The following MIPOL1 variants were observed in gnomAD, a reference collection of about 807,000 sequenced individuals.
The protein encoded by MIPOL1 is mirror-image polydactyly 1, also known as mirror-image polydactyly gene 1 protein.
Under a neutral mutation model 60.9 loss-of-function variants are expected in MIPOL1, and 57 were observed. That is an observed-to-expected ratio of 0.94 (90% CI 0.76 to 1.17). MIPOL1 has a LOEUF of 1.17. MIPOL1 is among the 50% of genes most tolerant of loss of function. The pLI is 0.00. For missense variants in MIPOL1, 551 were observed against 511.6 expected (o/e 1.08, Z -0.74); for synonymous variants, 179 against 168.8 (o/e 1.06, Z -0.47).
At chr14:37,470,033 T>G (rs568774337) in intron 11 of MIPOL1, among the ~76,000 whole-genome samples, 1 of 152,190 alleles carries the variant, frequency 6.6e-6, no homozygotes, top group South Asian at 2.1e-4. Context: ...AGGTGAGAGA[T>G]AAATATTAAG....
chr14:37,467,116 C>T (rs1437941250), intron 11 of MIPOL1, among the ~76,000 whole-genome samples: 1 of 152,092 alleles, frequency 6.6e-6, no homozygotes, highest in Non-Finnish European at 1.5e-5. Context: ...AAGAAGAAAC[C>T]TCAATGAATG....
chr14:37,202,089 C>T (rs947115513), intron 1 of MIPOL1, among the ~76,000 whole-genome samples: 36 of 152,256 alleles, frequency 2.4e-4, no homozygotes, highest in Admixed American at 2.0e-3. Flanking sequence ...GCCTCGACCT[C>T]CCAAAGTGCC....
intron 12 of MIPOL1, chr14:37,506,638 A>C (rs1403493955): frequency 3.3e-5 from 5 of 152,244 alleles, no homozygotes; most frequent in Admixed American, 6.5e-5. Flanking sequence ...TAAAACCATA[A>C]AAACTCTAGA....
chr14:37,242,555 C>T lies in MIPOL1; in HGVS notation c.-198-4548C>T, dbSNP rs1379090874. On this transcript the variant is annotated intron_variant, in intron 1 of 12. Coordinates refer to ENST00000684589, the MANE Select transcript of MIPOL1 (RefSeq NM_001388067.1). ...TTATGATATAAACCATATAGGTTTT[C>T]CATATGGTTGAGCCACATTTTATTT... 3.9e-5 allele frequency among the ~76,000 whole-genome samples: 6 copies of T among 152,144 alleles called. No homozygotes were observed. In the East Asian group the frequency reaches 5.8e-4, roughly 15 times the overall value.
At chr14:37,337,244 T>C (rs2090195558) in intron 9 of MIPOL1, among the ~76,000 whole-genome samples, 1 of 147,784 alleles carries the variant, frequency 6.8e-6, no homozygotes, top group Non-Finnish European at 1.5e-5. Flanking sequence ...ATAATCACTC[T>C]CCTCACTGTG....
chr14:37,383,629 T>G (rs2092987445), intron 10 of MIPOL1, among the ~76,000 whole-genome samples: 1 of 151,882 alleles, frequency 6.6e-6, no homozygotes, highest in Non-Finnish European at 1.5e-5. Flanking sequence ...TTTATCTAGA[T>G]CTACAAGTTT....
intron 10 of MIPOL1, among the ~76,000 whole-genome samples, chr14:37,418,879 G>A (rs1227358318): frequency 6.6e-6 from 1 of 151,668 alleles, no homozygotes; most frequent in Non-Finnish European, 1.5e-5. Flanking sequence ...GAAAGTTTGG[G>A]CATTTTAAAA....
chr14:37,463,651 A>G (rs1001653378), intron 11 of MIPOL1, among the ~76,000 whole-genome samples: 1 of 152,204 alleles, frequency 6.6e-6, no homozygotes, highest in East Asian at 1.9e-4. Flanking sequence ...GAAACTATGA[A>G]AATCCTACAG....
At chr14:37,445,771 T>C (rs919879298) in intron 11 of MIPOL1, among the ~76,000 whole-genome samples, 1 of 152,002 alleles carries the variant, frequency 6.6e-6, no homozygotes, top group African/African-American at 2.4e-5. Flanking sequence ...TAACACCGCA[T>C]ATCTACAACT....
chr14:37,329,988 G>A (rs2089524547), intron 9 of MIPOL1, among the ~76,000 whole-genome samples: 3 of 150,732 alleles, frequency 2.0e-5, no homozygotes, highest in African/African-American at 7.3e-5. Context: ...TGTACAAAAA[G>A]GATCAAAACA....
intron 11 of MIPOL1, among the ~76,000 whole-genome samples, chr14:37,457,390 A>C (rs1478912727): frequency 2.0e-5 from 3 of 152,206 alleles, no homozygotes; most frequent in Non-Finnish European, 2.9e-5. Flanking sequence ...AACCAGACTC[A>C]AAAGTTTCCA....
intron 9 of MIPOL1, among the ~76,000 whole-genome samples, chr14:37,355,841 C>G (rs1727277207): frequency 1.3e-5 from 2 of 149,966 alleles, no homozygotes; most frequent in African/African-American, 2.4e-5. Flanking sequence ...ACTTCTTTGC[C>G]TTTGGTTTGA....
chr14:37,344,987 AG>A (rs746811947), intron 9 of MIPOL1, among the ~76,000 whole-genome samples: 2 of 148,276 alleles, frequency 1.3e-5, no homozygotes, highest in Non-Finnish European at 3.0e-5. Context: ...CTGCGACTCC[AG>A]CCTGGGTGAT....
At chr14:37,211,759 G>A (rs1404362003) in intron 1 of MIPOL1, among the ~76,000 whole-genome samples, 3 of 151,922 alleles carry the variant, frequency 2.0e-5, no homozygotes, top group Non-Finnish European at 2.9e-5. Flanking sequence ...ATGGAGTGCT[G>A]GCATCACCCC....
At chr14:37,519,994 A>G (rs1227036208) in intron 12 of MIPOL1, among the ~76,000 whole-genome samples, 1 of 152,062 alleles carries the variant, frequency 6.6e-6, no homozygotes, top group African/African-American at 2.4e-5. Flanking sequence ...TTTATACTCT[A>G]TGTAGATCAA....
At chr14:37,218,113 T>G (rs1968069006) in intron 1 of MIPOL1, among the ~76,000 whole-genome samples, 1 of 152,078 alleles carries the variant, frequency 6.6e-6, no homozygotes, top group African/African-American at 2.4e-5. Context: ...GATTTCTAGT[T>G]TCTTTCTTTT....
chr14:37,476,521 G>A lies in MIPOL1; in HGVS notation c.1032-23387G>A, dbSNP rs113869341. On this transcript the variant is annotated intron_variant, in intron 11 of 12. Transcript: ENST00000684589. ...TTCTTACCTTTCTCTTGATCGTAGGGGTAAAGCATCTAATATCCTACCATT... is the reference window on the plus strand; with the variant it reads ...TTCTTACCTTTCTCTTGATCGTAGGAGTAAAGCATCTAATATCCTACCATT... Among the ~76,000 whole-genome samples, 13 of 152,100 alleles carry A rather than the reference G, an allele frequency of 8.5e-5. 1 individual carries two copies. Among genetic ancestry groups the A allele is most frequent in the African/African-American group, 3.1e-4 (13 of 41,488 alleles).
At chr14:37,400,957 T>C (rs942327736) in intron 10 of MIPOL1, 4 of 152,132 alleles carry the variant, frequency 2.6e-5, no homozygotes, top group African/African-American at 9.7e-5. Context: ...TCCAATTAAG[T>C]CTTTTTTATT....
intron 11 of MIPOL1, among the ~76,000 whole-genome samples, chr14:37,459,403 C>T (rs1245627574): frequency 6.6e-6 from 1 of 152,114 alleles, no homozygotes; most frequent in African/African-American, 2.4e-5. Flanking sequence ...TGCACACAAA[C>T]TAGAAAACCT....
Sources: gnomAD v4.1 joint callset for allele counts (sites outside exome capture counted in the v4.1 genomes callset) on GRCh38, gnomAD v4.1.1 for gene constraint, MANE v1.5 for transcripts, NCBI Gene and HGNC (gene_info 2026-07-23, HGNC 2026-07-21) for gene names.